The following MDGA2 variants were observed in gnomAD, a reference collection of about 807,000 sequenced individuals.
The protein encoded by MDGA2 is MAM domain containing glycosylphosphatidylinositol anchor 2.
In MDGA2, 40 loss-of-function variants were observed where a neutral mutation model predicts 117.8. That is an observed-to-expected ratio of 0.34 (90% CI 0.26 to 0.44). The LOEUF is 0.44. MDGA2 is among the 20% of genes least tolerant of loss of function. The pLI is 1.00. For synonymous variants in MDGA2, 452 were observed against 439.0 expected, an observed-to-expected ratio of 1.03 and a Z score of -0.37; for missense variants, 1,123 against 1,250.6, an observed-to-expected ratio of 0.90 and a Z score of 1.54.
intron 1 of MDGA2, among the ~76,000 whole-genome samples, chr14:47,654,842 A>G (rs140542457): frequency 6.6e-6 from 1 of 152,252 alleles, no homozygotes; most frequent in East Asian, 1.9e-4. Context: ...AAGTACTGGC[A>G]GAAGTTAGAA....
At chr14:46,938,290 G>C (rs1005822281) in intron 9 of MDGA2, among the ~76,000 whole-genome samples, 1 of 151,880 alleles carries the variant, frequency 6.6e-6, no homozygotes, top group Non-Finnish European at 1.5e-5. Context: ...TGTAATCCCA[G>C]CACTTTGGGA....
chr14:47,542,637 A>C (rs900308569), intron 1 of MDGA2, among the ~76,000 whole-genome samples: 1 of 152,198 alleles, frequency 6.6e-6, no homozygotes. Flanking sequence ...CAGTATTTTA[A>C]GTCATTAGTA....
At chr14:47,627,463 C>G (rs1036347898) in intron 1 of MDGA2, among the ~76,000 whole-genome samples, 1 of 152,190 alleles carries the variant, frequency 6.6e-6, no homozygotes, top group African/African-American at 2.4e-5. Flanking sequence ...TGTGAATGCA[C>G]CAATCGCACT....
chr14:47,660,430 T>C (rs7161457), intron 1 of MDGA2, among the ~76,000 whole-genome samples: 38,741 of 152,104 alleles, frequency 0.25, 5,971 homozygotes, highest in South Asian at 0.45. Context: ...ACTTTTATAG[T>C]GGTAAATACT....
intron 5 of MDGA2, among the ~76,000 whole-genome samples, chr14:47,120,615 G>C (rs1049805899): frequency 1.3e-5 from 2 of 152,128 alleles, no homozygotes; most frequent in African/African-American, 4.8e-5. Flanking sequence ...GCAGAAGCTG[G>C]AAATTGAGGG....
chr14:47,378,974 C>T (rs1891544925), intron 1 of MDGA2, among the ~76,000 whole-genome samples: 1 of 152,092 alleles, frequency 6.6e-6, no homozygotes, highest in African/African-American at 2.4e-5. Context: ...AGAGAAAGGT[C>T]GGTTACCCAC....
chr14:47,306,048 T>C (rs1889434107), intron 1 of MDGA2: 1 of 152,138 alleles, frequency 6.6e-6, no homozygotes, highest in South Asian at 2.1e-4. Flanking sequence ...TAAAAATGTA[T>C]CCCCTGTAGT....
At chr14:47,632,476 C>CAAAT (rs1897259301) in intron 1 of MDGA2, among the ~76,000 whole-genome samples, 1 of 152,142 alleles carries the variant, frequency 6.6e-6, no homozygotes. Flanking sequence ...CTCCAATACA[C>CAAAT]AAATGGTAGT....
At chr14:47,546,288 C>G (rs1895461542) in intron 1 of MDGA2, among the ~76,000 whole-genome samples, 1 of 151,898 alleles carries the variant, frequency 6.6e-6, no homozygotes, top group Non-Finnish European at 1.5e-5. Flanking sequence ...AGTGTGAGAG[C>G]AGCATGTAAC....
intron 8 of MDGA2, among the ~76,000 whole-genome samples, chr14:46,977,694 C>A (rs1482230052): frequency 2.0e-5 from 3 of 151,852 alleles, no homozygotes; most frequent in Non-Finnish European, 4.4e-5. Context: ...ATAAATTGAT[C>A]ATCTTTTATA....
chr14:47,045,681 G>C (rs1045491873), intron 7 of MDGA2, among the ~76,000 whole-genome samples: 16 of 152,194 alleles, frequency 1.1e-4, no homozygotes, highest in Middle Eastern at 3.4e-3. Context: ...ACAAGAAAGG[G>C]GGGGCAGGCG....
chr14:46,938,455 G>A (rs1004190893), intron 9 of MDGA2, among the ~76,000 whole-genome samples: 9 of 147,612 alleles, frequency 6.1e-5, no homozygotes, highest in African/African-American at 2.0e-4. Context: ...CAGAAGAATC[G>A]CCTAAACCCT....
chr14:47,610,741 G>A (rs891612417), intron 1 of MDGA2, among the ~76,000 whole-genome samples: 1 of 151,894 alleles, frequency 6.6e-6, no homozygotes, highest in African/African-American at 2.4e-5. Flanking sequence ...TCAATATTGT[G>A]AAGGACGGGG....
chr14:47,167,308 A>T (rs981619822), intron 3 of MDGA2, among the ~76,000 whole-genome samples: 1 of 152,216 alleles, frequency 6.6e-6, no homozygotes, highest in Admixed American at 6.5e-5. Flanking sequence ...GTAATCACCA[A>T]GATCTTTGCT....
chr14:47,487,302 C>G (rs926811008), intron 1 of MDGA2, among the ~76,000 whole-genome samples: 2 of 152,168 alleles, frequency 1.3e-5, no homozygotes, highest in Middle Eastern at 3.2e-3. Context: ...AAACTAGAAT[C>G]CATCTGGATC....
intron 1 of MDGA2, among the ~76,000 whole-genome samples, chr14:47,304,566 G>A (rs1391202569): frequency 6.6e-6 from 1 of 152,064 alleles, no homozygotes; most frequent in Non-Finnish European, 1.5e-5. Context: ...ATAGAATGTT[G>A]TCCCAGTTCA....
At chr14:47,580,072 A>G (rs1463643729) in intron 1 of MDGA2, among the ~76,000 whole-genome samples, 2 of 152,060 alleles carry the variant, frequency 1.3e-5, no homozygotes, top group Non-Finnish European at 2.9e-5. Context: ...TAAATGGTAG[A>G]GCAAAAACTT....
intron 9 of MDGA2, among the ~76,000 whole-genome samples, chr14:46,921,448 A>G (rs936735181): frequency 7.1e-6 from 1 of 140,610 alleles, no homozygotes; most frequent in Admixed American, 6.9e-5. Context: ...TACCAGAAAA[A>G]GAAAAAAAAA....
chr14:46,881,009 A>AACACACACACACACAC (rs72117373), intron 11 of MDGA2, among the ~76,000 whole-genome samples: 7,532 of 145,526 alleles, frequency 0.052, 248 homozygotes, highest in Non-Finnish European at 0.075. Context: ...AACTATCACT[A>AACACACACACACACAC]ACACACACAC....
Sources: allele counts gnomAD v4.1 joint callset (sites outside exome capture counted in the v4.1 genomes callset), GRCh38; gene constraint gnomAD v4.1.1; transcripts MANE v1.5; gene names NCBI Gene and HGNC (gene_info 2026-07-23, HGNC 2026-07-21).